The following TLL2 variants were observed in gnomAD, a reference collection of about 807,000 sequenced individuals.
TLL2 encodes tolloid-like protein 2.
Under a neutral mutation model 123.0 loss-of-function variants are expected in TLL2, and 106 were observed. The ratio of observed to expected loss-of-function variants is 0.86; its 90% CI spans 0.74 to 1.01. The LOEUF (loss-of-function observed/expected upper bound fraction) is 1.01. TLL2 is among the 50% of genes least tolerant of loss of function. The pLI, the probability that TLL2 is intolerant of heterozygous loss-of-function variation, is 0.00. For synonymous variants in TLL2, 494 were observed against 516.8 expected, an observed-to-expected ratio of 0.96 and a Z score of 0.60; for missense variants, 1,332 against 1,336.7, an observed-to-expected ratio of 1.00 and a Z score of 0.06.
chr10:96,413,416 CA>C (rs1846526550), intron 7 of TLL2, 100 bp from the exon 8 acceptor site: 3 of 1,438,550 alleles, frequency 2.1e-6, no homozygotes, highest in Non-Finnish European at 2.8e-6. Flanking sequence ...ACCCCATCAA[CA>C]TTCCTGCCCC....
intron 9 of TLL2, among the ~76,000 whole-genome samples, chr10:96,407,065 T>G (rs1846458426): frequency 6.6e-6 from 1 of 152,096 alleles, no homozygotes; most frequent in African/African-American, 2.4e-5. Context: ...TCATATCTCA[T>G]GTTTACCAGA....
chr10:96,445,445 T>C (rs114507769), intron 3 of TLL2, among the ~76,000 whole-genome samples: 1,566 of 152,310 alleles, frequency 0.01, 29 homozygotes, highest in African/African-American at 0.033. Context: ...GTGGCAGTGC[T>C]TCTGGGCAGG....
At chr10:96,465,425 T>C (rs1847119989) in intron 2 of TLL2, among the ~76,000 whole-genome samples, 1 of 152,208 alleles carries the variant, frequency 6.6e-6, no homozygotes, top group Admixed American at 6.5e-5. Context: ...ACACTGAGTG[T>C]GTCCTCTGTT....
intron 2 of TLL2, among the ~76,000 whole-genome samples, chr10:96,473,909 G>T (rs985360885): frequency 3.9e-5 from 6 of 152,142 alleles, no homozygotes; most frequent in African/African-American, 1.4e-4. Context: ...AACAGGAGAG[G>T]TGTCTAAGAA....
At chr10:96,443,535 G>T (rs891302384) in intron 3 of TLL2, among the ~76,000 whole-genome samples, 2 of 152,130 alleles carry the variant, frequency 1.3e-5, no homozygotes, top group African/African-American at 4.8e-5. Flanking sequence ...GACCCCAGAT[G>T]GCATCAGCCA....
At chr10:96,500,829 T>C (rs145517662) in intron 1 of TLL2, among the ~76,000 whole-genome samples, 1,432 of 92,194 alleles carry the variant, frequency 0.016, 27 homozygotes, top group African/African-American at 0.053. Flanking sequence ...AGGGGAGAGA[T>C]TGAGAAAAAA....
chr10:96,459,683 AAAAAAAAAAAAAAAAAAAAAAAAT>A (rs1362225302), intron 2 of TLL2, among the ~76,000 whole-genome samples: 51 of 52,388 alleles, frequency 9.7e-4, no homozygotes, highest in African/African-American at 3.5e-3. Flanking sequence ...AAAAAAAAAA[AAAAAAAAAAAAAAAAAAAAAAAAT>A]ATATATATAT....
chr10:96,465,298 G>A (rs1046633094), intron 2 of TLL2, among the ~76,000 whole-genome samples: 1 of 152,204 alleles, frequency 6.6e-6, no homozygotes, highest in Non-Finnish European at 1.5e-5. Context: ...GCAATGGCCC[G>A]TTTGTTTTAG....
chr10:96,498,739 A>G (rs1589437267), intron 1 of TLL2, among the ~76,000 whole-genome samples: 1 of 151,818 alleles, frequency 6.6e-6, no homozygotes. Context: ...TTACTTTTCC[A>G]CCCCTTCCAT....
intron 2 of TLL2, among the ~76,000 whole-genome samples, chr10:96,467,906 C>A (rs2134097442): frequency 6.6e-6 from 1 of 152,278 alleles, no homozygotes; most frequent in Non-Finnish European, 1.5e-5. Context: ...TACACGTGAT[C>A]CCCAGCACTC....
At chr10:96,388,768 C>T (rs922976243) in intron 13 of TLL2, among the ~76,000 whole-genome samples, 1 of 151,768 alleles carries the variant, frequency 6.6e-6, no homozygotes, top group African/African-American at 2.4e-5. Flanking sequence ...CTGTGATGCA[C>T]AGACTCCTCA....
intron 2 of TLL2, among the ~76,000 whole-genome samples, chr10:96,447,584 T>C (rs2134087953): frequency 6.6e-6 from 1 of 152,198 alleles, no homozygotes; most frequent in Non-Finnish European, 1.5e-5. Context: ...CCACCTGCCC[T>C]TGGAATTTGA....
intron 10 of TLL2, among the ~76,000 whole-genome samples, chr10:96,403,956 C>A (rs1273738501): frequency 4.8e-5 from 7 of 144,434 alleles, no homozygotes; most frequent in African/African-American, 1.7e-4. Flanking sequence ...CACATCCAGG[C>A]ATAGTACCTT....
At chr10:96,438,682 C>T (rs978844928) in intron 3 of TLL2, among the ~76,000 whole-genome samples, 3 of 152,194 alleles carry the variant, frequency 2.0e-5, no homozygotes, top group Admixed American at 6.5e-5. Flanking sequence ...TCTGGAACTT[C>T]CAGAACTATG....
chr10:96,512,800 C>A, intron 1 of TLL2, among the ~76,000 whole-genome samples: 1 of 152,262 alleles, frequency 6.6e-6, no homozygotes, highest in East Asian at 1.9e-4. Flanking sequence ...ACGAGCCGAT[C>A]AGTGGCCCCG....
At chr10:96,491,796 C>G (rs1847416226) in intron 1 of TLL2, among the ~76,000 whole-genome samples, 1 of 152,150 alleles carries the variant, frequency 6.6e-6, no homozygotes, top group Non-Finnish European at 1.5e-5. Flanking sequence ...TAAATGCTCC[C>G]ACTGTGGCTG....
At chr10:96,398,553 G>A (rs192844979) in intron 10 of TLL2, among the ~76,000 whole-genome samples, 78 of 152,318 alleles carry the variant, frequency 5.1e-4, no homozygotes, top group Non-Finnish European at 9.1e-4. Flanking sequence ...TATTTTCTTA[G>A]ACACTTGGGT....
intron 2 of TLL2, among the ~76,000 whole-genome samples, chr10:96,465,335 C>T (rs1412482136): frequency 6.6e-6 from 1 of 152,140 alleles, no homozygotes; most frequent in Non-Finnish European, 1.5e-5. Flanking sequence ...TAATGTGGTC[C>T]CACCTCACTG....
chr10:96,454,105 G>A (rs1846986953), intron 2 of TLL2, among the ~76,000 whole-genome samples: 1 of 152,188 alleles, frequency 6.6e-6, no homozygotes, highest in African/African-American at 2.4e-5. Context: ...TATGCAGATG[G>A]AAAAGTTGTA....
Sources: gnomAD v4.1 joint callset for allele counts (sites outside exome capture counted in the v4.1 genomes callset) on GRCh38, gnomAD v4.1.1 for gene constraint, MANE v1.5 for transcripts, NCBI Gene and HGNC (gene_info 2026-07-23, HGNC 2026-07-21) for gene names.